The following WASHC4 variants were observed in gnomAD, a reference collection of about 807,000 sequenced individuals.
The protein encoded by WASHC4 is WASH complex subunit 4, also known as WASH complex subunit 7.
WASHC4 carries 86 observed loss-of-function variants against 166.6 expected under a neutral mutation model. The ratio of observed to expected loss-of-function variants is 0.52; its 90% CI spans 0.43 to 0.62. The LOEUF (loss-of-function observed/expected upper bound fraction) is 0.62, where lower values mean the gene tolerates loss of function less well. WASHC4 is among the 20% of genes least tolerant of loss of function. The pLI is 0.00. For missense variants in WASHC4, 1,262 were observed against 1,382.4 expected, an observed-to-expected ratio of 0.91 and a Z score of 1.38; for synonymous variants, 446 against 451.6, an observed-to-expected ratio of 0.99 and a Z score of 0.16.
In WASHC4 at chr12:105,126,324, A is replaced by G; in HGVS notation, c.1000A>G (p.Lys334Glu). 6.3e-7 allele frequency: 1 copy of G among 1,597,736 alleles called. No individual in the cohort carries two copies. Among genetic ancestry groups the G allele is most frequent in the Non-Finnish European group, 8.6e-7 (1 of 1,166,150 alleles). Residue 334 changes from lysine to glutamate, a missense_variant, in exon 12 of 33, where the codon AAA (lysine) becomes GAA (glutamate). Physicochemically the swap from Lys to Glu is moderately conservative, Grantham distance 56. Coordinates refer to ENST00000332180, the MANE Select transcript of WASHC4 (RefSeq NM_015275.3). ...CTTTCAGATTTTTCGAACTATTGATAAAAAGTTTTATAAGTCTTTATTGGA... is the reference window on the plus strand; with the variant it reads ...CTTTCAGATTTTTCGAACTATTGATGAAAAGTTTTATAAGTCTTTATTGGA... ...LHFQIFRTID[K>E]KFYKSLLDIC...
At position 105,114,441 on chromosome 12, in the gene WASHC4, TTCTTG is replaced by T. The variant is rs777183849; in HGVS notation, c.321+19_321+23del. 1.3e-6 allele frequency: 2 copies of T among 1,530,168 alleles called. No individual in the cohort carries two copies. Among genetic ancestry groups the T allele is most frequent in the South Asian group, 1.2e-5 (1 of 86,460 alleles). The allele number at this position is 1,530,168 out of a possible 1,614,324, so 94.8% of individuals were successfully genotyped here. On this transcript the variant is annotated intron_variant, in intron 4 of 32. Coordinates refer to ENST00000332180, the MANE Select transcript of WASHC4 (RefSeq NM_015275.3). ...TTAAAATATGAGGTAATTATTTGAA[TTCTTG>T]TCTTAAAACTTTAAAAACATCATTT... is the stretch of plus-strand genomic sequence containing the variant.
intron 24 of WASHC4, chr12:105,149,352 A>G (rs1383855513): frequency 1.3e-5 from 14 of 1,058,436 alleles, no homozygotes; most frequent in South Asian, 3.0e-5. Flanking sequence ...CCTTAGTCCT[A>G]TCATGAGAAT....
intron 13 of WASHC4, among the ~76,000 whole-genome samples, chr12:105,133,306 C>T (rs1462221863): frequency 1.3e-5 from 2 of 152,194 alleles, no homozygotes; most frequent in Non-Finnish European, 2.9e-5. Flanking sequence ...CGTATATTTG[C>T]ATGAATTACT....
rs771264896 is a variant in WASHC4 at position 105,115,689 on chromosome 12, T to C, written c.396T>C (p.Asp132=). Residue 132 remains aspartate (D), a synonymous_variant, in exon 6 of 33, where the codon GAT becomes GAC. Coordinates refer to ENST00000332180, the MANE Select transcript of WASHC4 (RefSeq NM_015275.3). ...CAGATGCCAGCATGGTGGAAGGTGA[T>C]TGCCAAATTCAAATGGGGAGATTTA... ...GATDASMVEG[D]CQIQMGRFIS... The C allele has an allele frequency of 3.1e-6, 5 of 1,610,424 alleles. No homozygotes were observed. In the Admixed American group the frequency reaches 6.7e-5, roughly 21 times the overall value.
Position 105,126,226 on chromosome 12 carries a change from A to G in WASHC4, c.911-9A>G. 6.2e-7 allele frequency: 1 copy of G among 1,612,638 alleles called. No individual in the cohort carries two copies. The highest frequency in any genetic ancestry group is 1.3e-5 in the African/African-American group (1 of 75,012). On this transcript the variant is annotated splice_polypyrimidine_tract_variant and intron_variant, in intron 11 of 32. Coordinates refer to ENST00000332180, the MANE Select transcript of WASHC4 (RefSeq NM_015275.3). ...TGTTCTGCTTTCTCTTATGTTATTG[A>G]TTTGTAAGGAGAACCTTCTGAAATT...
At chr12:105,147,992 AAG>A (rs1883451883) in intron 24 of WASHC4, 2 of 985,316 alleles carry the variant, frequency 2.0e-6, no homozygotes, top group Non-Finnish European at 2.4e-6. Context: ...TCTGTGGAAA[AAG>A]AGAAGTCTTT....
intron 28 of WASHC4, among the ~76,000 whole-genome samples, chr12:105,157,765 A>G (rs1381208342): frequency 6.6e-6 from 1 of 152,222 alleles, no homozygotes; most frequent in Non-Finnish European, 1.5e-5. Flanking sequence ...AGCCACTACC[A>G]TATATGGCCG....
In WASHC4 at chr12:105,109,315, A is replaced by G. The variant is rs76693811; in HGVS notation, c.61+1454A>G. Among the ~76,000 whole-genome samples, 585 of 152,310 alleles carry G rather than the reference A, an allele frequency of 3.8e-3. 4 individuals are homozygous for G. The highest frequency in any genetic ancestry group is 0.013 in the African/African-American group (560 of 41,552). Reference sequence around the variant, plus strand: ...AGAGTTATGTTAATTGAGTTTGAAAATGGTTCAGCCTGGAGTAGAATGGTC... The same window carrying G: ...AGAGTTATGTTAATTGAGTTTGAAAGTGGTTCAGCCTGGAGTAGAATGGTC... On this transcript the variant is annotated intron_variant, in intron 1 of 32. Coordinates refer to ENST00000332180, the MANE Select transcript of WASHC4 (RefSeq NM_015275.3).
At chr12:105,124,730 C>T (rs1299287910) in intron 10 of WASHC4, among the ~76,000 whole-genome samples, 4 of 152,156 alleles carry the variant, frequency 2.6e-5, no homozygotes, top group African/African-American at 7.2e-5. Context: ...CTGCCCACCT[C>T]AGCCTCCCAA....
At position 105,111,244 on chromosome 12, in the gene WASHC4, C is replaced by G. The variant is rs780878662; in HGVS notation, c.181C>G (p.Leu61Val). ...DSIGDVWDFN[L>V]DPIALKLLPY... Reference sequence around the variant, plus strand: ...AATTGGAGATGTTTGGGATTTCAATCTTGATCCTATAGCATTAAAGGTTTG... The same window carrying G: ...AATTGGAGATGTTTGGGATTTCAATGTTGATCCTATAGCATTAAAGGTTTG... The change falls in exon 2 of 33, where the codon CTT (leucine) becomes GTT (valine). Residue 61 changes from leucine to valine, a missense_variant. By Grantham distance (32) the Leu-to-Val change is conservative (BLOSUM62 1). Transcript: ENST00000332180. 1 of 1,608,992 alleles carries G rather than the reference C, an allele frequency of 6.2e-7. No homozygotes were observed. The highest frequency in any genetic ancestry group is 8.5e-7 in the Non-Finnish European group (1 of 1,176,188).
intron 25 of WASHC4, among the ~76,000 whole-genome samples, chr12:105,151,601 C>T (rs916890439): frequency 5.3e-5 from 8 of 151,984 alleles, no homozygotes; most frequent in African/African-American, 1.9e-4. Context: ...CCTGCCTCAG[C>T]CCCCTGAGTA....
chr12:105,145,598 C>T (rs1883226394), intron 22 of WASHC4, among the ~76,000 whole-genome samples: 1 of 151,792 alleles, frequency 6.6e-6, no homozygotes, highest in African/African-American at 2.4e-5. Context: ...TGAGAACATG[C>T]TAGGCACTGA....
At chr12:105,137,813 C>G (rs933072876) in intron 14 of WASHC4, 73 bp from the exon 15 acceptor site, 11 of 1,274,090 alleles carry the variant, frequency 8.6e-6, no homozygotes, top group South Asian at 6.1e-5. Context: ...TGAGGAATAG[C>G]TGCTGTTAAA....
chr12:105,118,415 T>C (rs1034889741), intron 6 of WASHC4, 31 bp from the exon 7 acceptor site: 1 of 1,462,890 alleles, frequency 6.8e-7, no homozygotes, highest in South Asian at 1.1e-5. Flanking sequence ...AAAGAGTAAC[T>C]TTATAATATA....
intron 24 of WASHC4, chr12:105,149,065 G>A: frequency 1.0e-6 from 1 of 982,634 alleles, no homozygotes; most frequent in Non-Finnish European, 1.2e-6. Flanking sequence ...ACCTGTTCTA[G>A]AATATAAACT....
chr12:105,117,970 G>T (rs1309457145), intron 6 of WASHC4, among the ~76,000 whole-genome samples: 2 of 152,198 alleles, frequency 1.3e-5, no homozygotes, highest in African/African-American at 4.8e-5. Flanking sequence ...CAGGTGATCA[G>T]TGTTTGAAGT....
intron 21 of WASHC4, 64 bp downstream of exon 21, chr12:105,144,519 TAAAC>T (rs1329696248): frequency 1.4e-6 from 2 of 1,398,308 alleles, no homozygotes; most frequent in South Asian, 1.2e-5. Flanking sequence ...ACCCTACTGT[TAAAC>T]AAAACTTTGA....
intron 9 of WASHC4, 119 bp from the exon 10 acceptor site, chr12:105,121,999 A>G (rs1880795408): frequency 7.2e-6 from 5 of 695,526 alleles, no homozygotes; most frequent in African/African-American, 5.4e-5. Context: ...CAAATTTTCA[A>G]ATGTGTAGAG....
intron 13 of WASHC4, among the ~76,000 whole-genome samples, chr12:105,128,567 C>T (rs1015731686): frequency 1.3e-5 from 2 of 152,158 alleles, no homozygotes; most frequent in Non-Finnish European, 2.9e-5. Flanking sequence ...TGCTCCAATA[C>T]TGGAAACTTT....
Sources: gnomAD v4.1 joint callset for allele counts (sites outside exome capture counted in the v4.1 genomes callset) on GRCh38, gnomAD v4.1.1 for gene constraint, MANE v1.5 for transcripts, NCBI Gene and HGNC (gene_info 2026-07-23, HGNC 2026-07-21) for gene names.